Variants in SMYD3 observed in about 807,000 individuals in gnomAD.
SMYD3 encodes the protein histone-lysine N-methyltransferase SMYD3.
SMYD3 carries 36 observed loss-of-function variants against 57.7 expected under a neutral mutation model. The observed-to-expected ratio is 0.62, with a 90% CI of 0.48 to 0.82. SMYD3 has a LOEUF of 0.82. Ranked by LOEUF, SMYD3 falls within the 40% of genes least tolerant of loss-of-function variation. The probability of loss-of-function intolerance (pLI) is 0.00; values close to 1 mark genes in which losing one functional copy is unlikely to be tolerated. For missense variants in SMYD3, 515 were observed against 538.8 expected, an observed-to-expected ratio of 0.96 and a Z score of 0.44; for synonymous variants, 211 against 195.0, an observed-to-expected ratio of 1.08 and a Z score of -0.68.
intron 5 of SMYD3, among the ~76,000 whole-genome samples, chr1:246,150,467 T>C (rs1302665637): frequency 6.6e-6 from 1 of 152,248 alleles, no homozygotes; most frequent in Non-Finnish European, 1.5e-5. Flanking sequence ...ACCACTCCCA[T>C]TCTGTAATCA....
intron 10 of SMYD3, among the ~76,000 whole-genome samples, chr1:245,787,074 G>A (rs373373132): frequency 3.3e-5 from 5 of 152,176 alleles, no homozygotes; most frequent in African/African-American, 4.8e-5. Flanking sequence ...TCATTAGAGC[G>A]GTATCTTTAC....
At chr1:245,868,987 T>C (rs934118143) in intron 8 of SMYD3, among the ~76,000 whole-genome samples, 1 of 152,232 alleles carries the variant, frequency 6.6e-6, no homozygotes, top group Non-Finnish European at 1.5e-5. Context: ...ATTACTGTTT[T>C]TTATCACAGT....
At chr1:246,363,547 T>C (rs1048210188) in intron 1 of SMYD3, among the ~76,000 whole-genome samples, 2 of 152,180 alleles carry the variant, frequency 1.3e-5, no homozygotes, top group Non-Finnish European at 1.5e-5. Flanking sequence ...GAAGTAGACA[T>C]GGGAGACTTT....
chr1:246,101,626 T>C (rs1025920409), intron 5 of SMYD3, among the ~76,000 whole-genome samples: 1 of 152,248 alleles, frequency 6.6e-6, no homozygotes, highest in Non-Finnish European at 1.5e-5. Flanking sequence ...GAAAATGGTA[T>C]TTTATGGCAT....
intron 5 of SMYD3, among the ~76,000 whole-genome samples, chr1:246,254,952 C>T (rs2063857793): frequency 6.6e-6 from 1 of 152,138 alleles, no homozygotes; most frequent in Admixed American, 6.6e-5. Flanking sequence ...TGTATAAAAA[C>T]GTTACTGATT....
At chr1:245,908,007 G>A (rs913790557) in intron 8 of SMYD3, among the ~76,000 whole-genome samples, 2 of 151,980 alleles carry the variant, frequency 1.3e-5, no homozygotes, top group Non-Finnish European at 2.9e-5. Context: ...GTGGTGGCTC[G>A]TGCCTGTAAT....
At chr1:245,855,212 CCTT>C (rs750953526) in intron 10 of SMYD3, among the ~76,000 whole-genome samples, 12 of 152,168 alleles carry the variant, frequency 7.9e-5, no homozygotes, top group South Asian at 2.1e-4. Flanking sequence ...CTCTATATCT[CCTT>C]ATCACTCTCT....
intron 5 of SMYD3, among the ~76,000 whole-genome samples, chr1:246,166,100 T>TA (rs376483658): frequency 0.053 from 8,015 of 150,054 alleles, 260 homozygotes; most frequent in Middle Eastern, 0.078. Flanking sequence ...CTCCCTTTTT[T>TA]AAAAAAAAAA....
chr1:246,467,638 G>A (rs1186111742), intron 1 of SMYD3, among the ~76,000 whole-genome samples: 1 of 152,108 alleles, frequency 6.6e-6, no homozygotes, highest in South Asian at 2.1e-4. Context: ...TCCCATCAAA[G>A]CAAAGCCCAG....
At chr1:245,793,867 T>A (rs1572351692) in intron 10 of SMYD3, among the ~76,000 whole-genome samples, 1 of 152,206 alleles carries the variant, frequency 6.6e-6, no homozygotes, top group African/African-American at 2.4e-5. Flanking sequence ...AAAGTCTATA[T>A]TGTTTGATAA....
chr1:246,482,495 G>A (rs10802412), intron 1 of SMYD3, among the ~76,000 whole-genome samples: 33,586 of 151,914 alleles, frequency 0.22, 4,433 homozygotes, highest in Non-Finnish European at 0.29. Flanking sequence ...AAGCCACTCT[G>A]TCGCCTTTCC....
At position 246,073,852 on chromosome 1, in the gene SMYD3, C is replaced by A. The variant is rs371085764; in HGVS notation, c.532-143915G>T. Among the ~76,000 whole-genome samples the A allele has an allele frequency of 5.9e-5, 9 of 152,216 alleles. No individual in the cohort carries two copies. In the East Asian group the frequency reaches 7.7e-4, roughly 13 times the overall value. The stretch of plus-strand genomic sequence containing the variant: ...TCCATAGAGGTACTGGAAAGCACAA[C>A]GCCAGATACTACAGAAGTTCCGTAT... On this transcript the variant is annotated intron_variant, in intron 5 of 11. Coordinates refer to ENST00000490107, the MANE Select transcript of SMYD3 (RefSeq NM_001167740.2).
chr1:245,902,497 G>A (rs1395674938), intron 8 of SMYD3, among the ~76,000 whole-genome samples: 1 of 152,196 alleles, frequency 6.6e-6, no homozygotes, highest in African/African-American at 2.4e-5. Context: ...ATTGAGGACA[G>A]GCCTGGGTCA....
At chr1:246,300,104 T>A (rs930146810) in intron 5 of SMYD3, among the ~76,000 whole-genome samples, 14 of 152,070 alleles carry the variant, frequency 9.2e-5, no homozygotes, top group African/African-American at 3.4e-4. Context: ...GTGGTATGCA[T>A]GTAGCTGTGT....
chr1:246,358,806 A>G (rs2065945933), intron 1 of SMYD3, among the ~76,000 whole-genome samples: 1 of 152,214 alleles, frequency 6.6e-6, no homozygotes, highest in Non-Finnish European at 1.5e-5. Context: ...TCTGGAATAC[A>G]GCAAAAGCGG....
intron 8 of SMYD3, among the ~76,000 whole-genome samples, chr1:245,903,106 C>T (rs1369742435): frequency 6.6e-6 from 1 of 152,042 alleles, no homozygotes; most frequent in African/African-American, 2.4e-5. Context: ...CTCAGAAAAG[C>T]AGTTAATGAT....
chr1:246,039,013 AG>A (rs2059824448), intron 5 of SMYD3, among the ~76,000 whole-genome samples: 1 of 152,222 alleles, frequency 6.6e-6, no homozygotes, highest in African/African-American at 2.4e-5. Flanking sequence ...TGGCCGTTCA[AG>A]TCTCTACCAG....
chr1:245,752,951 C>G (rs1215216986), intron 11 of SMYD3, among the ~76,000 whole-genome samples: 1 of 152,194 alleles, frequency 6.6e-6, no homozygotes, highest in East Asian at 1.9e-4. Flanking sequence ...CATTGTGCAG[C>G]CTCCCCGTAT....
intron 5 of SMYD3, among the ~76,000 whole-genome samples, chr1:246,061,583 A>C (rs1406734619): frequency 6.6e-6 from 1 of 151,870 alleles, no homozygotes; most frequent in African/African-American, 2.4e-5. Flanking sequence ...AAGAAAAATT[A>C]GCTAGTCATG....
Sources: allele counts gnomAD v4.1 joint callset (sites outside exome capture counted in the v4.1 genomes callset), GRCh38; gene constraint gnomAD v4.1.1; transcripts MANE v1.5; gene names NCBI Gene and HGNC (gene_info 2026-07-23, HGNC 2026-07-21).